Variants in CPSF4L observed in about 807,000 individuals in gnomAD.
The protein encoded by CPSF4L is cleavage and polyadenylation specific factor 4 like, also known as putative cleavage and polyadenylation specificity factor subunit 4-like protein.
CPSF4L carries 18 observed loss-of-function variants against 24.0 expected under a neutral mutation model. The ratio of observed to expected loss-of-function variants is 0.75; its 90% CI spans 0.52 to 1.11. The LOEUF (loss-of-function observed/expected upper bound fraction) is 1.11. Among genes scored for constraint, CPSF4L ranks in the 50% least tolerant of loss-of-function variants. The pLI is 0.00. For synonymous variants in CPSF4L, 72 were observed against 77.2 expected, an observed-to-expected ratio of 0.93 and a Z score of 0.35; for missense variants, 211 against 221.8, an observed-to-expected ratio of 0.95 and a Z score of 0.31.
downstream of CPSF4L, among the ~76,000 whole-genome samples, chr17:73,243,486 A>G (rs2145240111): frequency 6.6e-6 from 1 of 151,274 alleles, no homozygotes; most frequent in Non-Finnish European, 1.5e-5. Flanking sequence ...CTTGGTTGTA[A>G]TGGCCTGTAT....
downstream of CPSF4L, among the ~76,000 whole-genome samples, chr17:73,246,884 T>C (rs1266386943): frequency 6.6e-6 from 1 of 152,202 alleles, no homozygotes; most frequent in Non-Finnish European, 1.5e-5. Flanking sequence ...GCCCATTCTC[T>C]GTGAATGCTC....
chr17:73,257,760 G>A lies in CPSF4L; in HGVS notation c.228C>T (p.Cys76=), dbSNP rs1276816635. Residue 76 remains cysteine (C), a synonymous_variant, in exon 3 of 6, where the codon TGC becomes TGT. Coordinates refer to ENST00000344935, the MANE Select transcript of CPSF4L (RefSeq NM_001129885.1). ...GGAACTTGCAGTGATCACCCTTCTT[G>A]CAGAGCCCCCGGAGCCAGTGCTTGC... is the stretch of plus-strand genomic sequence containing the variant. ...VVCKHWLRGL[C]KKGDHCKFLH... is the part of the protein sequence containing the mutation. 1.9e-6 allele frequency: 3 copies of A among 1,551,624 alleles called. No homozygotes were observed. Among genetic ancestry groups the A allele is most frequent in the Non-Finnish European group, 2.6e-6 (3 of 1,146,982 alleles).
At chr17:73,243,815 G>C (rs898356696), downstream of CPSF4L, among the ~76,000 whole-genome samples, 4 of 152,166 alleles carry the variant, frequency 2.6e-5, no homozygotes, top group African/African-American at 9.7e-5. Context: ...TTACAGGCAT[G>C]AGCCACCGCA....
intron 2 of CPSF4L, among the ~76,000 whole-genome samples, chr17:73,259,393 C>T (rs1223287127): frequency 6.6e-6 from 1 of 150,980 alleles, no homozygotes; most frequent in Non-Finnish European, 1.5e-5. Flanking sequence ...TGGGGTCTCG[C>T]TATGTTGCCC....
chr17:73,261,391 G>A (rs2062044616), intron 1 of CPSF4L, among the ~76,000 whole-genome samples: 1 of 152,240 alleles, frequency 6.6e-6, no homozygotes, highest in Non-Finnish European at 1.5e-5. Flanking sequence ...GCTGGGCGTG[G>A]TGGCTCATGC....
At chr17:73,247,381 C>G, downstream of CPSF4L, 1 of 1,598,846 alleles carries the variant, frequency 6.3e-7, no homozygotes, top group Middle Eastern at 1.7e-4. Context: ...TGACTTCTCT[C>G]TAGTGCCTTC....
At chr17:73,251,580 G>A (rs1389328049) in intron 5 of CPSF4L, among the ~76,000 whole-genome samples, 1 of 152,210 alleles carries the variant, frequency 6.6e-6, no homozygotes, top group African/African-American at 2.4e-5. Flanking sequence ...CTCTGTTGCA[G>A]CCACTGGACT....
chr17:73,245,580 T>C, downstream of CPSF4L: 5 of 985,440 alleles, frequency 5.1e-6, no homozygotes, highest in Non-Finnish European at 6.0e-6. Flanking sequence ...ACCAGACTAC[T>C]ACCTATATGT....
intron 3 of CPSF4L, among the ~76,000 whole-genome samples, chr17:73,255,515 GA>G (rs56896799): frequency 0.54 from 63,922 of 118,392 alleles, 14,481 homozygotes; most frequent in East Asian, 0.63. Context: ...TCCAAAAAAA[GA>G]AAAAAAAAAA....
chr17:73,242,430 A>G, the CPSF4L span: 1 of 904,428 alleles, frequency 1.1e-6, no homozygotes, highest in Non-Finnish European at 1.7e-6. Flanking sequence ...CTGTTAAGCA[A>G]GGCTAAAGAG....
chr17:73,242,424 T>A, the CPSF4L span: 1 of 995,386 alleles, frequency 1.0e-6, no homozygotes, highest in Non-Finnish European at 1.5e-6. Flanking sequence ...TTCGGGCTGT[T>A]AAGCAAGGCT....
chr17:73,263,143 G>A (rs950936936), upstream of CPSF4L, among the ~76,000 whole-genome samples: 3 of 152,324 alleles, frequency 2.0e-5, no homozygotes, highest in Non-Finnish European at 2.9e-5. Flanking sequence ...AGTTGTATGC[G>A]TTGATTAGTA....
At chr17:73,250,188 A>G (rs2061999111) in intron 5 of CPSF4L, 1 of 1,513,876 alleles carries the variant, frequency 6.6e-7, no homozygotes, top group African/African-American at 1.4e-5. Context: ...GAACTTGGGA[A>G]ACAGAATCCC....
At chr17:73,248,419 G>T, downstream of CPSF4L, 4 of 1,287,690 alleles carry the variant, frequency 3.1e-6, no homozygotes, top group Non-Finnish European at 4.4e-6. Context: ...AAATCATGCT[G>T]CAGAAGGAGG....
At chr17:73,253,526 T>G (rs570256427) in intron 4 of CPSF4L, among the ~76,000 whole-genome samples, 1 of 152,182 alleles carries the variant, frequency 6.6e-6, no homozygotes, top group East Asian at 1.9e-4. Context: ...CTCTTAAATT[T>G]GGCTGGCAGC....
downstream of CPSF4L, chr17:73,245,354 G>A: frequency 7.3e-7 from 1 of 1,364,002 alleles, no homozygotes; most frequent in Non-Finnish European, 9.5e-7. Context: ...TAATGATACA[G>A]GAAGTAAACG....
chr17:73,253,893 C>T (rs1267294860), intron 4 of CPSF4L, 38 bp downstream of exon 4: 2 of 1,445,720 alleles, frequency 1.4e-6, no homozygotes, highest in Non-Finnish European at 9.5e-7. Context: ...ACCCTGATCC[C>T]CACAGCCCCT....
At chr17:73,242,145 C>A in the CPSF4L span, 1 of 687,504 alleles carries the variant, frequency 1.5e-6, no homozygotes, top group Non-Finnish European at 2.4e-6. Flanking sequence ...TTAGAATATG[C>A]TCTTCCTGAG....
chr17:73,250,109 A>G (rs1052550538), intron 5 of CPSF4L: 1 of 694,474 alleles, frequency 1.4e-6, no homozygotes, highest in Non-Finnish European at 2.2e-6. Flanking sequence ...AAAGAAATAA[A>G]CCTGCCTGCC....
Sources: gnomAD v4.1 joint callset for allele counts (sites outside exome capture counted in the v4.1 genomes callset) on GRCh38, gnomAD v4.1.1 for gene constraint, MANE v1.5 for transcripts, NCBI Gene and HGNC (gene_info 2026-07-23, HGNC 2026-07-21) for gene names.